The following DBT variants were observed in gnomAD, a reference collection of about 807,000 sequenced individuals.
The protein encoded by DBT is lipoamide acyltransferase component of branched-chain alpha-keto acid dehydrogenase complex, mitochondrial.
In DBT, 40 loss-of-function variants were observed where a neutral mutation model predicts 51.3. That is an observed-to-expected ratio of 0.78 (90% CI 0.61 to 1.02). DBT has a LOEUF of 1.02. DBT is among the 50% of genes least tolerant of loss of function. The probability of loss-of-function intolerance (pLI) is 0.00; values close to 1 mark genes in which losing one functional copy is unlikely to be tolerated. For synonymous variants in DBT, 181 were observed against 190.4 expected (o/e 0.95, Z 0.41); for missense variants, 510 against 580.2 (o/e 0.88, Z 1.24).
intron 3 of DBT, among the ~76,000 whole-genome samples, chr1:100,233,930 A>G (rs1050951174): frequency 1.3e-5 from 2 of 152,270 alleles, no homozygotes; most frequent in African/African-American, 4.8e-5. Flanking sequence ...GGACCAGTAT[A>G]AGCCTGCCAG....
At chr1:100,234,733 C>T (rs1663765596) in intron 3 of DBT, among the ~76,000 whole-genome samples, 1 of 152,148 alleles carries the variant, frequency 6.6e-6, no homozygotes, top group Non-Finnish European at 1.5e-5. Context: ...TCCCACAGTG[C>T]CACCAGAGAC....
intron 2 of DBT, among the ~76,000 whole-genome samples, chr1:100,237,097 T>C (rs955576553): frequency 6.6e-6 from 1 of 152,138 alleles, no homozygotes; most frequent in East Asian, 1.9e-4. Context: ...ATAACAGAAG[T>C]GAAGTGTGAA....
intron 1 of DBT, among the ~76,000 whole-genome samples, chr1:100,246,234 G>T (rs1415621892): frequency 6.6e-6 from 1 of 152,176 alleles, no homozygotes; most frequent in Non-Finnish European, 1.5e-5. Flanking sequence ...CTCCAGCCTG[G>T]TGACAGAGTG....
At chr1:100,203,264 G>T (rs1661560444) in intron 10 of DBT, among the ~76,000 whole-genome samples, 1 of 151,994 alleles carries the variant, frequency 6.6e-6, no homozygotes, top group African/African-American at 2.4e-5. Flanking sequence ...ATGATAAAGG[G>T]GATATCACCA....
chr1:100,209,217 GCCT>G, intron 8 of DBT, among the ~76,000 whole-genome samples: 1 of 150,644 alleles, frequency 6.6e-6, no homozygotes. Context: ...TCCTGCCTCA[GCCT>G]CCCAAGCAGC....
chr1:100,229,648 G>A (rs1355707737), intron 4 of DBT, among the ~76,000 whole-genome samples: 2 of 152,208 alleles, frequency 1.3e-5, no homozygotes, highest in Non-Finnish European at 2.9e-5. Context: ...AATTCAATTA[G>A]ACTTCTGAAT....
chr1:100,248,617 G>A (rs1047837223), intron 1 of DBT, among the ~76,000 whole-genome samples: 3 of 152,162 alleles, frequency 2.0e-5, no homozygotes, highest in African/African-American at 7.2e-5. Context: ...AAGGCGGGAA[G>A]GGAAACAGGA....
chr1:100,215,950 A>G, intron 6 of DBT, 33 bp downstream of exon 6: 2 of 1,266,830 alleles, frequency 1.6e-6, no homozygotes, highest in South Asian at 2.4e-5. Context: ...TAAATGAACT[A>G]TTGCCTTATA....
At chr1:100,241,579 T>C (rs968158274) in intron 1 of DBT, among the ~76,000 whole-genome samples, 7 of 152,000 alleles carry the variant, frequency 4.6e-5, no homozygotes, top group Non-Finnish European at 8.8e-5. Flanking sequence ...TTATTATTTG[T>C]AGAGACAAGG....
chr1:100,237,881 G>A (rs889020427), intron 2 of DBT, among the ~76,000 whole-genome samples: 1 of 152,030 alleles, frequency 6.6e-6, no homozygotes, highest in African/African-American at 2.4e-5. Context: ...CCTCAAGCAA[G>A]CCTCCTGCCT....
chr1:100,240,383 C>T (rs1664139155), intron 2 of DBT, among the ~76,000 whole-genome samples: 2 of 152,048 alleles, frequency 1.3e-5, no homozygotes, highest in African/African-American at 4.8e-5. Context: ...GACACAAGTG[C>T]TGGGCGAGAT....
At chr1:100,249,686 C>T (rs1664801092) in intron 1 of DBT, 84 bp downstream of exon 1, 9 of 1,362,210 alleles carry the variant, frequency 6.6e-6, no homozygotes, top group South Asian at 2.3e-5. Context: ...CGCCTGGCAC[C>T]GGAGGAGAAA....
At chr1:100,215,035 T>C in intron 6 of DBT, 52 bp from the exon 7 acceptor site, 1 of 1,115,926 alleles carries the variant, frequency 9.0e-7, no homozygotes, top group Non-Finnish European at 1.2e-6. Context: ...AATCTCTTCA[T>C]CCTTTTTTTT....
At chr1:100,199,811 C>T (rs1273662496) in intron 10 of DBT, among the ~76,000 whole-genome samples, 4 of 152,148 alleles carry the variant, frequency 2.6e-5, no homozygotes, top group Non-Finnish European at 5.9e-5. Flanking sequence ...AACTCCCTCC[C>T]CTAGCCAAGG....
chr1:100,244,063 CAAAAAAAAAA>C (rs1162401280), intron 1 of DBT, among the ~76,000 whole-genome samples: 2 of 79,040 alleles, frequency 2.5e-5, no homozygotes, highest in Admixed American at 1.6e-4. Flanking sequence ...AATTCTATCT[CAAAAAAAAAA>C]AAAAAAAAAA....
chr1:100,201,580 G>C (rs559393462), intron 10 of DBT, among the ~76,000 whole-genome samples: 3 of 152,224 alleles, frequency 2.0e-5, no homozygotes, highest in African/African-American at 7.2e-5. Context: ...CTCGAGAAGA[G>C]CAACCCCAAG....
chr1:100,217,992 G>C (rs950621309), intron 5 of DBT, among the ~76,000 whole-genome samples: 1 of 152,154 alleles, frequency 6.6e-6, no homozygotes, highest in Admixed American at 6.5e-5. Flanking sequence ...TTATCTTACA[G>C]GGTTAAATGA....
intron 8 of DBT, among the ~76,000 whole-genome samples, chr1:100,208,243 A>G (rs894363159): frequency 6.6e-6 from 1 of 152,230 alleles, no homozygotes; most frequent in Non-Finnish European, 1.5e-5. Flanking sequence ...TAAATGAAAC[A>G]TAAGTGAATT....
intron 1 of DBT, among the ~76,000 whole-genome samples, chr1:100,241,740 C>T (rs116489398): frequency 0.075 from 11,473 of 152,118 alleles, 550 homozygotes; most frequent in African/African-American, 0.14. Context: ...GCCATTAGGC[C>T]AGGCGCGGTG....
Sources: allele counts gnomAD v4.1 joint callset (sites outside exome capture counted in the v4.1 genomes callset), GRCh38; gene constraint gnomAD v4.1.1; transcripts MANE v1.5; gene names NCBI Gene and HGNC (gene_info 2026-07-23, HGNC 2026-07-21).